Variants in IMPG1 observed in about 807,000 individuals in gnomAD.
IMPG1 encodes interphotoreceptor matrix proteoglycan 1.
In IMPG1, 85 loss-of-function variants were observed where a neutral mutation model predicts 92.0. The observed-to-expected ratio is 0.92, with a 90% CI of 0.78 to 1.11. The LOEUF (loss-of-function observed/expected upper bound fraction) is 1.11. Among genes scored for constraint, IMPG1 ranks in the 50% least tolerant of loss-of-function variants. The probability of loss-of-function intolerance (pLI) is 0.00; values close to 1 mark genes in which losing one functional copy is unlikely to be tolerated. For missense variants in IMPG1, 1,022 were observed against 956.0 expected, an observed-to-expected ratio of 1.07 and a Z score of -0.91; for synonymous variants, 367 against 334.1, an observed-to-expected ratio of 1.10 and a Z score of -1.08.
At chr6:75,928,699 ATTG>A (rs778969310) in intron 15 of IMPG1, 1 of 152,144 alleles carries the variant, frequency 6.6e-6, no homozygotes, top group Non-Finnish European at 1.5e-5. Context: ...ACTCCATTCC[ATTG>A]TTAACTGGAG....
chr6:76,039,847 T>C (rs1440180080), intron 2 of IMPG1, among the ~76,000 whole-genome samples: 2 of 152,234 alleles, frequency 1.3e-5, no homozygotes, highest in Non-Finnish European at 2.9e-5. Flanking sequence ...GATAAGCACA[T>C]TTATGATTCT....
intron 1 of IMPG1, among the ~76,000 whole-genome samples, chr6:76,045,639 T>C (rs548730366): frequency 6.6e-6 from 1 of 151,872 alleles, no homozygotes; most frequent in Non-Finnish European, 1.5e-5. Flanking sequence ...ATCACTTGAG[T>C]CCAAGGATGA....
Position 76,072,538 on chromosome 6 carries a change from A to C in IMPG1, c.-50T>G, listed in dbSNP as rs1402694304. On this transcript the variant is annotated 5_prime_UTR_variant, in exon 1 of 17. Transcript: ENST00000369950. ...CTGATAACAATCACAGAACAACCTCAAATCTCATTAAAAAGTAACAGAAAT... is the reference window on the plus strand; with the variant it reads ...CTGATAACAATCACAGAACAACCTCCAATCTCATTAAAAAGTAACAGAAAT... 1.9e-6 allele frequency: 2 copies of C among 1,030,444 alleles called. No individual in the cohort carries two copies. The highest frequency in any genetic ancestry group is 2.9e-6 in the Non-Finnish European group (2 of 678,852). 63.8% of individuals were successfully genotyped at this position (1,030,444 alleles called of 1,614,324 possible). A position where few individuals can be genotyped will look rare whatever the true frequency, so the allele number is the denominator to read the frequency against.
intron 12 of IMPG1, among the ~76,000 whole-genome samples, chr6:75,999,304 A>C (rs1316931467): frequency 4.6e-5 from 7 of 150,994 alleles, no homozygotes; most frequent in Non-Finnish European, 7.3e-5. Flanking sequence ...TTTTGCAAGA[A>C]CTTTATCTCA....
At position 76,060,295 on chromosome 6, in the gene IMPG1, T is replaced by C. The variant is rs542439185; in HGVS notation, c.67+12127A>G. Among the ~76,000 whole-genome samples, 61 of 152,350 alleles carry C rather than the reference T, an allele frequency of 4.0e-4. No homozygotes were observed. The East Asian group carries it at 5.2e-3, about 13-fold the overall frequency. ...ACCATATGCTTCGAGGCAGCATTGC[T>C]GTTCCTTAGCTCTTTCATATTCTTC... On this transcript the variant is annotated intron_variant, in intron 1 of 16. Transcript: ENST00000369950.
rs1431345359 is a variant in IMPG1 at position 76,011,185 on chromosome 6, T to C, written c.847A>G (p.Ile283Val). 2.6e-6 allele frequency: 4 copies of C among 1,534,434 alleles called. No homozygotes were observed. The highest frequency in any genetic ancestry group is 3.6e-6 in the Non-Finnish European group (4 of 1,110,126). Residue 283 changes from isoleucine to valine, a missense_variant, in exon 8 of 17, where the codon ATC becomes GTC. Ile to Val is a conservative substitution (Grantham distance 29). This residue lies in a region of IMPG1 where 681 missense variants were observed against 583.6 expected (regional missense o/e 1.17). Coordinates refer to ENST00000369950, the MANE Select transcript of IMPG1 (RefSeq NM_001563.4). ...ACTTACCTAAATCCTAACACATGGA[T>C]TTTTTTGAATCCTGGAAGTTTCTTA... ...IFKKLPGFKK[I>V]HVLGFRPKKE...
At chr6:75,989,425 T>A (rs145770605) in intron 12 of IMPG1, among the ~76,000 whole-genome samples, 1 of 152,222 alleles carries the variant, frequency 6.6e-6, no homozygotes, top group Non-Finnish European at 1.5e-5. Context: ...GTCCCAGATA[T>A]AAAGTCTGAC....
chr6:75,981,076 G>C (rs1402574795), intron 12 of IMPG1, among the ~76,000 whole-genome samples: 3 of 152,186 alleles, frequency 2.0e-5, no homozygotes, highest in Admixed American at 2.0e-4. Flanking sequence ...CTGCGATGCA[G>C]CCCTGGTCCT....
intron 15 of IMPG1, among the ~76,000 whole-genome samples, chr6:75,926,481 T>C (rs1265184311): frequency 6.6e-6 from 1 of 152,206 alleles, no homozygotes; most frequent in Non-Finnish European, 1.5e-5. Flanking sequence ...CACTTTGATA[T>C]GATTAAAACA....
chr6:76,011,735 CT>C (rs1270272196), intron 7 of IMPG1, among the ~76,000 whole-genome samples: 17 of 111,622 alleles, frequency 1.5e-4, no homozygotes, highest in Non-Finnish European at 3.0e-4. Flanking sequence ...TCCCTCCCCC[CT>C]CCCCCCTCCC....
intron 15 of IMPG1, among the ~76,000 whole-genome samples, chr6:75,925,604 A>C (rs1013873631): frequency 3.3e-5 from 5 of 151,990 alleles, no homozygotes; most frequent in Non-Finnish European, 7.4e-5. Context: ...AGGTGGGAGG[A>C]TTGCTTGAGC....
intron 8 of IMPG1, among the ~76,000 whole-genome samples, chr6:76,008,680 A>T (rs1783134561): frequency 6.6e-6 from 1 of 152,222 alleles, no homozygotes; most frequent in Non-Finnish European, 1.5e-5. Context: ...TCCTGGGTCA[A>T]GACCCTAGTC....
At chr6:76,035,017 CGT>C (rs986842155) in intron 2 of IMPG1, among the ~76,000 whole-genome samples, 106 of 146,070 alleles carry the variant, frequency 7.3e-4, no homozygotes, top group Non-Finnish European at 1.3e-3. Flanking sequence ...TGTGTGTGTG[CGT>C]GTGTGTGTGT....
chr6:76,042,798 T>A (rs1783868555), intron 1 of IMPG1, among the ~76,000 whole-genome samples: 1 of 152,198 alleles, frequency 6.6e-6, no homozygotes, highest in South Asian at 2.1e-4. Flanking sequence ...TCTAAGCCAT[T>A]TCATCCTGCT....
intron 4 of IMPG1, 108 bp from the exon 5 acceptor site, chr6:76,025,366 A>G: frequency 1.9e-6 from 1 of 523,700 alleles, no homozygotes; most frequent in Non-Finnish European, 3.4e-6. Context: ...AGTTATAGGA[A>G]AAGCATACTT....
intron 12 of IMPG1, among the ~76,000 whole-genome samples, chr6:75,957,625 T>C (rs1472926295): frequency 6.6e-6 from 1 of 152,212 alleles, no homozygotes; most frequent in Non-Finnish European, 1.5e-5. Context: ...GATAGTTAGC[T>C]CTCCTTATTG....
chr6:75,965,085 G>T (rs1367720578), intron 12 of IMPG1, among the ~76,000 whole-genome samples: 2 of 152,106 alleles, frequency 1.3e-5, no homozygotes, highest in Non-Finnish European at 2.9e-5. Context: ...ACCACAGATG[G>T]TTTAACCATT....
intron 12 of IMPG1, among the ~76,000 whole-genome samples, chr6:75,960,557 T>C (rs1345320797): frequency 6.6e-6 from 1 of 152,242 alleles, no homozygotes; most frequent in Non-Finnish European, 1.5e-5. Context: ...CCAGCAACCC[T>C]ATTTAAATGT....
chr6:75,924,950 T>C (rs1343532088), intron 15 of IMPG1, among the ~76,000 whole-genome samples: 1 of 149,830 alleles, frequency 6.7e-6, no homozygotes, highest in African/African-American at 2.5e-5. Flanking sequence ...AATAGAACAG[T>C]AGTTACCAGA....
Sources: allele counts gnomAD v4.1 joint callset (sites outside exome capture counted in the v4.1 genomes callset), GRCh38; gene constraint gnomAD v4.1.1; regional missense constraint gnomAD v4.1.1; transcripts MANE v1.5; gene names NCBI Gene and HGNC (gene_info 2026-07-23, HGNC 2026-07-21).